The following ASZ1 variants were observed in gnomAD, a reference collection of about 807,000 sequenced individuals.
ASZ1 encodes ankyrin repeat, SAM and basic leucine zipper domain containing 1.
ASZ1 carries 67 observed loss-of-function variants against 61.8 expected under a neutral mutation model. That is an observed-to-expected ratio of 1.08 (90% confidence interval 0.89 to 1.33). ASZ1 has a LOEUF of 1.33. ASZ1 is among the 40% of genes most tolerant of loss of function. The pLI, the probability that ASZ1 is intolerant of heterozygous loss-of-function variation, is 0.00. For synonymous variants in ASZ1, 193 were observed against 192.7 expected, an observed-to-expected ratio of 1.00 and a Z score of -0.01; for missense variants, 577 against 554.5, an observed-to-expected ratio of 1.04 and a Z score of -0.41.
chr7:117,424,967 C>T (rs1313921200), intron 2 of ASZ1, among the ~76,000 whole-genome samples: 1 of 152,124 alleles, frequency 6.6e-6, no homozygotes, highest in Non-Finnish European at 1.5e-5. Flanking sequence ...ATATAATAAT[C>T]CTCATTTTAA....
intron 2 of ASZ1, among the ~76,000 whole-genome samples, chr7:117,425,254 A>G (rs929764355): frequency 7.6e-6 from 1 of 131,064 alleles, no homozygotes; most frequent in African/African-American, 2.8e-5. Context: ...TCCTTTGAGT[A>G]ATTTCTTTTT....
chr7:117,363,524 A>G lies in ASZ1; in HGVS notation c.*72T>C, dbSNP rs972810540. 1 of 1,257,978 alleles carries G rather than the reference A, an allele frequency of 7.9e-7. No individual in the cohort carries two copies. The highest frequency in any genetic ancestry group is 1.5e-5 in the African/African-American group (1 of 64,938). 77.9% of individuals were successfully genotyped at this position (1,257,978 alleles called of 1,614,324 possible). A position where few individuals can be genotyped will look rare whatever the true frequency, so the allele number is the denominator to read the frequency against. On this transcript the variant is annotated 3_prime_UTR_variant, in exon 13 of 13. Transcript: ENST00000284629. ...AGAATGTAAAGTTATATTGTGCTGCAAACAGTTAAAAGCAATGATTTTTGG... is the reference window on the plus strand; with the variant it reads ...AGAATGTAAAGTTATATTGTGCTGCGAACAGTTAAAAGCAATGATTTTTGG...
chr7:117,384,922 A>G, intron 5 of ASZ1, 62 bp from the exon 6 acceptor site: 1 of 1,403,562 alleles, frequency 7.1e-7, no homozygotes, highest in Non-Finnish European at 9.5e-7. Flanking sequence ...ACAGACAGGA[A>G]AAGTTTTCAA....
intron 4 of ASZ1, among the ~76,000 whole-genome samples, chr7:117,387,803 G>A (rs565056975): frequency 6.6e-6 from 1 of 152,264 alleles, no homozygotes; most frequent in South Asian, 2.1e-4. Flanking sequence ...CCCTTTGCAG[G>A]AACTGTGCAA....
Position 117,377,856 on chromosome 7 carries a change from C to A in ASZ1, c.1055+2082G>T, listed in dbSNP as rs1248480409. ...CAGAGGGATAGACACATAAAGAACCCAGAATAGAGAACCCAGATTATACCC... is the reference window on the plus strand; with the variant it reads ...CAGAGGGATAGACACATAAAGAACCAAGAATAGAGAACCCAGATTATACCC... On this transcript the variant is annotated intron_variant, in intron 10 of 12. Coordinates refer to ENST00000284629, the MANE Select transcript of ASZ1 (RefSeq NM_130768.3). 3.3e-5 allele frequency among the ~76,000 whole-genome samples: 5 copies of A among 151,900 alleles called. No individual in the cohort carries two copies. In the East Asian group the frequency reaches 9.7e-4, roughly 29 times the overall value.
intron 4 of ASZ1, among the ~76,000 whole-genome samples, chr7:117,416,572 A>G (rs1005271584): frequency 3.9e-5 from 6 of 152,348 alleles, no homozygotes; most frequent in Non-Finnish European, 5.9e-5. Flanking sequence ...AAAAATTTAT[A>G]GTGGTAGAAA....
chr7:117,409,618 T>C (rs906929358), intron 4 of ASZ1, among the ~76,000 whole-genome samples: 2 of 151,960 alleles, frequency 1.3e-5, no homozygotes, highest in Middle Eastern at 3.4e-3. Context: ...ATGAATAACA[T>C]ACAAATTAAG....
chr7:117,393,089 C>T (rs1048517199), intron 4 of ASZ1, among the ~76,000 whole-genome samples: 36 of 151,860 alleles, frequency 2.4e-4, no homozygotes, highest in Non-Finnish European at 4.3e-4. Flanking sequence ...TCAGGTGATC[C>T]GCCCAGCTCA....
chr7:117,424,885 T>C (rs1173372088), intron 2 of ASZ1, among the ~76,000 whole-genome samples: 1 of 152,240 alleles, frequency 6.6e-6, no homozygotes, highest in Non-Finnish European at 1.5e-5. Flanking sequence ...CAGGTAATGT[T>C]TACATAATTC....
intron 4 of ASZ1, among the ~76,000 whole-genome samples, chr7:117,407,396 T>C (rs1341507849): frequency 2.0e-5 from 3 of 150,104 alleles, no homozygotes; most frequent in East Asian, 2.0e-4. Flanking sequence ...CAGTAACTGA[T>C]AGAACACGGA....
At chr7:117,407,857 C>T (rs757249308) in intron 4 of ASZ1, among the ~76,000 whole-genome samples, 38 of 152,216 alleles carry the variant, frequency 2.5e-4, no homozygotes, top group Non-Finnish European at 4.4e-4. Context: ...TATCAAGCCA[C>T]GACAATGTCA....
intron 4 of ASZ1, among the ~76,000 whole-genome samples, chr7:117,409,568 T>C (rs1402539849): frequency 3.3e-5 from 5 of 151,874 alleles, no homozygotes; most frequent in African/African-American, 1.2e-4. Flanking sequence ...AATTACAAGA[T>C]ACTCCAAGAT....
At chr7:117,373,497 A>C (rs1232106750) in intron 10 of ASZ1, among the ~76,000 whole-genome samples, 1 of 152,232 alleles carries the variant, frequency 6.6e-6, no homozygotes, top group Non-Finnish European at 1.5e-5. Context: ...CTATCTTCAA[A>C]TAAATCAGTA....
At position 117,413,557 on chromosome 7, in the gene ASZ1, A is replaced by T. The variant is rs574231203; in HGVS notation, c.440+6606T>A. Among the ~76,000 whole-genome samples, 3 of 152,210 alleles carry T rather than the reference A, an allele frequency of 2.0e-5. No homozygotes were observed. In the South Asian group the frequency reaches 6.2e-4, roughly 32 times the overall value. The stretch of plus-strand genomic sequence containing the variant: ...TTAAATATTGTCAGTATCAAGATCC[A>T]AGAGATGCATAAGATGTAATTTGTG... On this transcript the variant is annotated intron_variant, in intron 4 of 12. Transcript: ENST00000284629.
At chr7:117,411,252 T>G (rs1443628790) in intron 4 of ASZ1, among the ~76,000 whole-genome samples, 1 of 151,810 alleles carries the variant, frequency 6.6e-6, no homozygotes, top group Admixed American at 6.6e-5. Context: ...AACCCTAAGA[T>G]ATCTATCATT....
At position 117,426,868 on chromosome 7, in the gene ASZ1, T is replaced by G. The variant is rs753114877; in HGVS notation, c.173A>C (p.Asp58Ala). The G allele has an allele frequency of 6.2e-6, 10 of 1,613,234 alleles. No individual in the cohort carries two copies. In the South Asian group the frequency reaches 1.1e-4, roughly 18 times the overall value. Reference protein sequence around the residue: ...EKFKKAMTIGDVSLVQELLDS... With the variant: ...EKFKKAMTIGAVSLVQELLDS... ...TAGGAGCTCCTGGACCAATGAAACA[T>G]CTCCGATGGTCATTGCTTTCTTAAA... Residue 58 changes from aspartate (D) to alanine (A), a missense_variant, in exon 2 of 13, where the codon GAT becomes GCT. By Grantham distance (126) the Asp-to-Ala change is moderately radical. Transcript: ENST00000284629.
At chr7:117,412,011 A>C (rs1796903413) in intron 4 of ASZ1, among the ~76,000 whole-genome samples, 1 of 151,334 alleles carries the variant, frequency 6.6e-6, no homozygotes, top group African/African-American at 2.4e-5. Context: ...ATGTACTGAC[A>C]AGGAAAGATC....
intron 4 of ASZ1, among the ~76,000 whole-genome samples, chr7:117,387,652 A>T (rs951296322): frequency 9.2e-5 from 14 of 152,226 alleles, no homozygotes; most frequent in African/African-American, 3.1e-4. Context: ...ATCACTTTTC[A>T]TCACCTCATT....
chr7:117,381,163 T>A, intron 8 of ASZ1, 96 bp from the exon 9 acceptor site: 1 of 1,116,316 alleles, frequency 9.0e-7, no homozygotes, highest in Non-Finnish European at 1.3e-6. Flanking sequence ...TGCTTCACTC[T>A]GAAGCAAATT....
Sources: gnomAD v4.1 joint callset for allele counts (sites outside exome capture counted in the v4.1 genomes callset) on GRCh38, gnomAD v4.1.1 for gene constraint, MANE v1.5 for transcripts, NCBI Gene and HGNC (gene_info 2026-07-23, HGNC 2026-07-21) for gene names.